The following GALNTL6 variants were observed in gnomAD, a reference collection of about 807,000 sequenced individuals.
GALNTL6 encodes polypeptide N-acetylgalactosaminyltransferase like 6, also known as polypeptide N-acetylgalactosaminyltransferase-like 6.
Under a neutral mutation model 73.7 loss-of-function variants are expected in GALNTL6, and 46 were observed. That is an observed-to-expected ratio of 0.62 (90% CI 0.49 to 0.80). The LOEUF (loss-of-function observed/expected upper bound fraction) is 0.80, where lower values mean the gene tolerates loss of function less well. Among genes scored for constraint, GALNTL6 ranks in the 30% least tolerant of loss-of-function variants. GALNTL6 has a pLI of 0.00. For synonymous variants in GALNTL6, 259 were observed against 263.7 expected (o/e 0.98, Z 0.17); for missense variants, 604 against 755.0 (o/e 0.80, Z 2.34).
At chr4:172,102,524 C>T (rs780819337) in intron 2 of GALNTL6, among the ~76,000 whole-genome samples, 6 of 151,968 alleles carry the variant, frequency 3.9e-5, no homozygotes, top group Admixed American at 6.6e-5. Flanking sequence ...GTAGTTGGCT[C>T]ACAGGAACAA....
chr4:171,858,997 G>A (rs1030286022), intron 2 of GALNTL6, among the ~76,000 whole-genome samples: 7 of 151,930 alleles, frequency 4.6e-5, no homozygotes, highest in Non-Finnish European at 7.4e-5. Context: ...GCAATATACC[G>A]GCTTCTCATA....
intron 2 of GALNTL6, among the ~76,000 whole-genome samples, chr4:172,208,515 T>C (rs1301946344): frequency 6.6e-6 from 1 of 152,134 alleles, no homozygotes; most frequent in African/African-American, 2.4e-5. Flanking sequence ...CTTCTCACAT[T>C]TGTATGATTT....
At chr4:172,093,301 T>C (rs1732257892) in intron 2 of GALNTL6, among the ~76,000 whole-genome samples, 1 of 152,186 alleles carries the variant, frequency 6.6e-6, no homozygotes, top group South Asian at 2.1e-4. Context: ...CCCCTACTGC[T>C]TATAATAATC....
At chr4:172,227,421 T>C (rs1412610964) in intron 2 of GALNTL6, among the ~76,000 whole-genome samples, 3 of 152,158 alleles carry the variant, frequency 2.0e-5, no homozygotes, top group Non-Finnish European at 4.4e-5. Flanking sequence ...AACATACCAT[T>C]GACGCTCCAG....
intron 2 of GALNTL6, among the ~76,000 whole-genome samples, chr4:172,214,519 CTT>C (rs34845361): frequency 6.3e-5 from 9 of 142,550 alleles, no homozygotes; most frequent in Admixed American, 7.0e-5. Flanking sequence ...ATTTCTTTTC[CTT>C]TTTTTTTTTT....
intron 2 of GALNTL6, among the ~76,000 whole-genome samples, chr4:172,022,261 G>A (rs578246361): frequency 1.4e-4 from 22 of 151,978 alleles, no homozygotes; most frequent in African/African-American, 5.1e-4. Context: ...CCATTTCTCC[G>A]CTGCCATTTC....
intron 5 of GALNTL6, among the ~76,000 whole-genome samples, chr4:172,734,902 C>G (rs554985373): frequency 6.6e-6 from 1 of 152,174 alleles, no homozygotes; most frequent in Non-Finnish European, 1.5e-5. Flanking sequence ...TGGCAGCTTC[C>G]GCATGGTGTT....
At chr4:172,963,131 G>A (rs561552620) in intron 10 of GALNTL6, among the ~76,000 whole-genome samples, 5 of 152,016 alleles carry the variant, frequency 3.3e-5, no homozygotes, top group South Asian at 2.1e-4. Context: ...CACTGTCCTC[G>A]TCACCAGTCT....
At chr4:172,397,120 G>A (rs1456371098) in intron 5 of GALNTL6, among the ~76,000 whole-genome samples, 2 of 152,124 alleles carry the variant, frequency 1.3e-5, no homozygotes, top group African/African-American at 4.8e-5. Flanking sequence ...TCATGTGAGA[G>A]ATAGTCTATA....
intron 5 of GALNTL6, among the ~76,000 whole-genome samples, chr4:172,641,763 C>A (rs1739993583): frequency 6.6e-6 from 1 of 151,762 alleles, no homozygotes; most frequent in South Asian, 2.1e-4. Flanking sequence ...GTTTTTTTAT[C>A]TGTCTTCCAA....
chr4:172,762,023 G>A (rs148049354), intron 5 of GALNTL6, among the ~76,000 whole-genome samples: 1,572 of 152,210 alleles, frequency 0.01, 21 homozygotes, highest in African/African-American at 0.036. Context: ...TGTAAACTGC[G>A]CCAGATCAAA....
intron 5 of GALNTL6, among the ~76,000 whole-genome samples, chr4:172,715,532 G>A (rs1052158351): frequency 1.3e-5 from 2 of 152,122 alleles, no homozygotes; most frequent in Non-Finnish European, 2.9e-5. Flanking sequence ...GTAGTATTGT[G>A]GTATTCTTAT....
intron 5 of GALNTL6, among the ~76,000 whole-genome samples, chr4:172,692,031 G>A (rs1262298916): frequency 1.7e-5 from 2 of 119,664 alleles, no homozygotes; most frequent in Non-Finnish European, 4.0e-5. Context: ...TGCAAAAAGC[G>A]GGATTTTTTT....
chr4:172,098,748 C>A (rs1449994815), intron 2 of GALNTL6, among the ~76,000 whole-genome samples: 2 of 152,124 alleles, frequency 1.3e-5, no homozygotes, highest in African/African-American at 4.8e-5. Flanking sequence ...CAACCAGGAG[C>A]AATTTTGCAC....
chr4:172,044,491 T>C (rs977295660), intron 2 of GALNTL6, among the ~76,000 whole-genome samples: 4 of 151,910 alleles, frequency 2.6e-5, no homozygotes, highest in African/African-American at 9.7e-5. Context: ...TTCAGATATA[T>C]GCCTTTCACA....
intron 2 of GALNTL6, among the ~76,000 whole-genome samples, chr4:172,065,692 T>G (rs1731337382): frequency 6.6e-6 from 1 of 152,162 alleles, no homozygotes; most frequent in Admixed American, 6.5e-5. Flanking sequence ...CTCACGCTGC[T>G]ATGAAGAAAT....
chr4:172,426,549 A>G (rs1731234985), intron 5 of GALNTL6, among the ~76,000 whole-genome samples: 1 of 152,132 alleles, frequency 6.6e-6, no homozygotes, highest in Admixed American at 6.6e-5. Flanking sequence ...AAACAAGCAA[A>G]ATAGAGAGGC....
chr4:172,613,389 G>A (rs562185510), intron 5 of GALNTL6, among the ~76,000 whole-genome samples: 13 of 151,918 alleles, frequency 8.6e-5, no homozygotes, highest in South Asian at 8.3e-4. Context: ...AGGTCTTATC[G>A]GAAAGAACTG....
chr4:172,206,522 A>G (rs1736113782), intron 2 of GALNTL6, among the ~76,000 whole-genome samples: 1 of 152,190 alleles, frequency 6.6e-6, no homozygotes, highest in African/African-American at 2.4e-5. Flanking sequence ...GCTGTTTCAG[A>G]TAATGATAAG....
Sources: allele counts gnomAD v4.1 joint callset (sites outside exome capture counted in the v4.1 genomes callset), GRCh38; gene constraint gnomAD v4.1.1; transcripts MANE v1.5; gene names NCBI Gene and HGNC (gene_info 2026-07-23, HGNC 2026-07-21).